The following REV3L variants were observed in gnomAD, a reference collection of about 807,000 sequenced individuals.
REV3L encodes DNA polymerase zeta catalytic subunit.
REV3L carries 69 observed loss-of-function variants against 299.4 expected under a neutral mutation model. The ratio of observed to expected loss-of-function variants is 0.23; its 90% CI spans 0.19 to 0.28. The LOEUF (loss-of-function observed/expected upper bound fraction) is 0.28, where lower values mean the gene tolerates loss of function less well. REV3L is among the 10% of genes least tolerant of loss of function. The pLI is 1.00. For synonymous variants in REV3L, 1,238 were observed against 1,271.4 expected (o/e 0.97, Z 0.56); for missense variants, 3,128 against 3,693.8 (o/e 0.85, Z 3.97).
At chr6:111,434,497 T>C (rs1053449487) in intron 1 of REV3L, among the ~76,000 whole-genome samples, 22 of 151,412 alleles carry the variant, frequency 1.5e-4, no homozygotes, top group Non-Finnish European at 2.7e-4. Context: ...CGGGCGCCTG[T>C]AGTCCCAGCT....
intron 1 of REV3L, among the ~76,000 whole-genome samples, chr6:111,430,058 G>A (rs1224613749): frequency 2.0e-5 from 3 of 152,140 alleles, no homozygotes; most frequent in African/African-American, 7.2e-5. Flanking sequence ...GGGAAGAAAA[G>A]GGGAGAAAAC....
chr6:111,436,867 T>C (rs1787613883), intron 1 of REV3L, among the ~76,000 whole-genome samples: 1 of 152,198 alleles, frequency 6.6e-6, no homozygotes, highest in Non-Finnish European at 1.5e-5. Context: ...ATTATGTAAA[T>C]GTAGTAAATT....
intron 14 of REV3L, among the ~76,000 whole-genome samples, chr6:111,366,458 C>A (rs982299018): frequency 1.3e-5 from 2 of 151,730 alleles, no homozygotes; most frequent in Non-Finnish European, 2.9e-5. Flanking sequence ...ATTTAGATAA[C>A]AACTGAGAAT....
intron 1 of REV3L, among the ~76,000 whole-genome samples, chr6:111,473,978 C>CA (rs1189003590): frequency 6.6e-6 from 1 of 151,814 alleles, no homozygotes; most frequent in African/African-American, 2.4e-5. Context: ...ACATTGCAAA[C>CA]AAAACTTGTC....
Position 111,380,062 on chromosome 6 carries a change from A to C in REV3L, c.1374T>G (p.Ile458Met), listed in dbSNP as rs1420856044. 1.2e-6 allele frequency: 2 copies of C among 1,613,946 alleles called. No homozygotes were observed. The highest frequency in any genetic ancestry group is 1.7e-6 in the Non-Finnish European group (2 of 1,179,950). ...NSDDEENEPQ[I>M]EKEEMELSLV... Reference sequence around the variant, plus strand: ...AACTAAGCTCCATTTCCTCTTTTTCAATCTGTGGTTCATTTTCTTCATCAT... The same window carrying C: ...AACTAAGCTCCATTTCCTCTTTTTCCATCTGTGGTTCATTTTCTTCATCAT... The change falls in exon 11 of 32, where the codon ATT (isoleucine) becomes ATG (methionine). Residue 458 changes from isoleucine (I) to methionine (M), a missense_variant. This residue lies in a region of REV3L where 2,409 missense variants were observed against 2,611.8 expected (regional missense o/e 0.92). Coordinates refer to ENST00000368802, the MANE Select transcript of REV3L (RefSeq NM_001372078.1).
At chr6:111,436,725 G>GT (rs1445039877) in intron 1 of REV3L, among the ~76,000 whole-genome samples, 1 of 152,078 alleles carries the variant, frequency 6.6e-6, no homozygotes, top group African/African-American at 2.4e-5. Context: ...GATCAGCAGG[G>GT]TGACTATAGT....
Position 111,482,894 on chromosome 6 carries a change from C to T in REV3L, c.-6G>A, listed in dbSNP as rs772427462. The T allele has an allele frequency of 1.4e-5, 21 of 1,511,156 alleles. No individual in the cohort carries two copies. Among genetic ancestry groups the T allele is most frequent in the Non-Finnish European group, 1.7e-5 (19 of 1,139,554 alleles). The allele number at this position is 1,511,156 out of a possible 1,614,324, so 93.6% of individuals were successfully genotyped here. On this transcript the variant is annotated 5_prime_UTR_variant, in exon 1 of 32. Transcript: ENST00000368802. ...ACTATCCTTACTGAAAACATGTTCGCCGCCGCCGCCACTGCCTCCCTTCAC... is the reference window on the plus strand; with the variant it reads ...ACTATCCTTACTGAAAACATGTTCGTCGCCGCCGCCACTGCCTCCCTTCAC...
At chr6:111,303,165 C>CTTTCTTTCTTT (rs4038141) in intron 31 of REV3L, among the ~76,000 whole-genome samples, 1 of 92,340 alleles carries the variant, frequency 1.1e-5, no homozygotes, top group Non-Finnish European at 2.1e-5. Context: ...TCTTTTCTTT[C>CTTTCTTTCTTT]TTTTTTTTTT....
At chr6:111,434,363 C>T (rs1159084041) in intron 1 of REV3L, among the ~76,000 whole-genome samples, 1 of 151,990 alleles carries the variant, frequency 6.6e-6, no homozygotes, top group Non-Finnish European at 1.5e-5. Context: ...GCCTGTAATC[C>T]CAGCACTTTG....
intron 1 of REV3L, among the ~76,000 whole-genome samples, chr6:111,456,398 TAAG>T (rs1461805089): frequency 6.6e-6 from 1 of 152,172 alleles, no homozygotes. Flanking sequence ...CTTCAATTTT[TAAG>T]AAGAAATCTG....
rs1331383629 is a variant in REV3L at position 111,372,674 on chromosome 6, A to G, written c.5681T>C (p.Leu1894Ser). 1.3e-6 allele frequency: 2 copies of G among 1,581,780 alleles called. No homozygotes were observed. The highest frequency in any genetic ancestry group is 1.7e-6 in the Non-Finnish European group (2 of 1,165,718). Reference protein sequence around the residue: ...PPSREEIMATLLDHDLSETIY... With the variant: ...PPSREEIMATSLDHDLSETIY... ...AGTCTCAGACAGGTCATGATCCAAC[A>G]AAGTTGCCATAATTTCTTCCCTACT... Residue 1894 changes from leucine to serine, a missense_variant, in exon 13 of 32, where the codon TTG becomes TCG. By Grantham distance (145) the Leu-to-Ser change is moderately radical. Transcript: ENST00000368802.
rs1323836371 is a variant in REV3L, at chr6:111,329,587, T to G, written c.8186A>C (p.Asn2729Thr). 6.2e-7 allele frequency: 1 copy of G among 1,614,142 alleles called. No homozygotes were observed. ...ARQLGLKLIA[N>T]VTFGYTSANF... ...AGCAGATGTATAGCCAAATGTGACATTTGCTATCAGCTTAAGTCCCAACTG... is the reference window on the plus strand; with the variant it reads ...AGCAGATGTATAGCCAAATGTGACAGTTGCTATCAGCTTAAGTCCCAACTG... The change falls in exon 25 of 32, where the codon AAT becomes ACT. Residue 2729 changes from asparagine to threonine, a missense_variant. By Grantham distance (65) the Asn-to-Thr change is moderately conservative. Around this residue, in one of 9 missense-constraint regions of REV3L, gnomAD observed 53 missense variants for 57.4 expected, o/e 0.92. Coordinates refer to ENST00000368802, the MANE Select transcript of REV3L (RefSeq NM_001372078.1).
Position 111,358,926 on chromosome 6 carries a change from G to A in REV3L, c.6968C>T (p.Ala2323Val). The change falls in exon 17 of 32, where the codon GCT becomes GTT. Residue 2323 changes from alanine (A) to valine (V), a missense_variant. By Grantham distance (64) the Ala-to-Val change is moderately conservative. Transcript: ENST00000368802. Reference sequence around the variant, plus strand: ...GTCAGATGAGATGCAGTAGAACAGAGCACAGATTGGGTCAAATTCAGGATC... The same window carrying A: ...GTCAGATGAGATGCAGTAGAACAGAACACAGATTGGGTCAAATTCAGGATC... ...EPDPEFDPIC[A>V]LFYCISSDTP... The A allele has an allele frequency of 6.2e-7, 1 of 1,614,114 alleles. No homozygotes were observed. The highest frequency in any genetic ancestry group is 8.5e-7 in the Non-Finnish European group (1 of 1,179,976).
In REV3L at chr6:111,482,943, C is replaced by A. The variant is rs1793946192; in HGVS notation, c.-55G>T. ...ACTGGCGACCCGGCAGCGGCAGCAGCAGCGGCGGCGGCTCCCTCCGCAGCG... is the reference window on the plus strand; with the variant it reads ...ACTGGCGACCCGGCAGCGGCAGCAGAAGCGGCGGCGGCTCCCTCCGCAGCG... On this transcript the variant is annotated 5_prime_UTR_variant, in exon 1 of 32. Transcript: ENST00000368802. 2.7e-6 allele frequency: 4 copies of A among 1,464,052 alleles called. No individual in the cohort carries two copies. Among genetic ancestry groups the A allele is most frequent in the Admixed American group, 3.4e-5 (1 of 29,148 alleles). The allele number at this position is 1,464,052 out of a possible 1,614,324, so 90.7% of individuals were successfully genotyped here.
intron 4 of REV3L, among the ~76,000 whole-genome samples, chr6:111,402,400 C>T (rs1783182323): frequency 6.6e-6 from 1 of 152,214 alleles, no homozygotes. Flanking sequence ...TGCTTTTCAT[C>T]TCTCTCACCC....
intron 1 of REV3L, among the ~76,000 whole-genome samples, chr6:111,435,989 A>G (rs1285957436): frequency 2.0e-5 from 3 of 152,336 alleles, no homozygotes; most frequent in South Asian, 2.1e-4. Context: ...ATTTTTAAAT[A>G]GGCAAAAGGT....
At chr6:111,451,420 T>C (rs1489219344) in intron 1 of REV3L, among the ~76,000 whole-genome samples, 2 of 152,164 alleles carry the variant, frequency 1.3e-5, no homozygotes, top group African/African-American at 2.4e-5. Flanking sequence ...TTCCTATCAG[T>C]AACTCAGAAA....
At chr6:111,350,899 T>A (rs1450002104) in intron 19 of REV3L, among the ~76,000 whole-genome samples, 2 of 152,054 alleles carry the variant, frequency 1.3e-5, no homozygotes, top group Non-Finnish European at 2.9e-5. Flanking sequence ...TTTATTCCAA[T>A]TTTTTGCAAA....
At chr6:111,435,133 G>C (rs975439146) in intron 1 of REV3L, among the ~76,000 whole-genome samples, 1 of 152,142 alleles carries the variant, frequency 6.6e-6, no homozygotes, top group Non-Finnish European at 1.5e-5. Context: ...CCTGAGACCA[G>C]AAGTCAAGGC....
Sources: allele counts gnomAD v4.1 joint callset (sites outside exome capture counted in the v4.1 genomes callset), GRCh38; gene constraint gnomAD v4.1.1; regional missense constraint gnomAD v4.1.1; transcripts MANE v1.5; gene names NCBI Gene and HGNC (gene_info 2026-07-23, HGNC 2026-07-21).